The following ADAMTS20 variants were observed in gnomAD, a reference collection of about 807,000 sequenced individuals.
ADAMTS20 encodes ADAM metallopeptidase with thrombospondin type 1 motif 20.
A neutral mutation model predicts 260.1 loss-of-function variants in ADAMTS20; 225 were observed. The observed-to-expected ratio is 0.87, with a 90% CI of 0.78 to 0.97. The LOEUF (loss-of-function observed/expected upper bound fraction) is 0.97. Ranked by LOEUF, ADAMTS20 falls within the 50% of genes least tolerant of loss-of-function variation. The pLI is 0.00. For synonymous variants in ADAMTS20, 802 were observed against 769.5 expected, an observed-to-expected ratio of 1.04 and a Z score of -0.70; for missense variants, 2,400 against 2,337.7, an observed-to-expected ratio of 1.03 and a Z score of -0.55.
intron 3 of ADAMTS20, among the ~76,000 whole-genome samples, chr12:43,504,696 G>A (rs938292202): frequency 2.6e-5 from 4 of 152,108 alleles, no homozygotes; most frequent in African/African-American, 9.7e-5. Context: ...TTTAGGTATT[G>A]AGGAGCAAAT....
chr12:43,372,824 G>A (rs1940135593), intron 36 of ADAMTS20, among the ~76,000 whole-genome samples: 1 of 152,164 alleles, frequency 6.6e-6, no homozygotes, highest in Non-Finnish European at 1.5e-5. Context: ...CAGGTAGGCT[G>A]GTAGATGTGG....
At chr12:43,440,182 C>G in intron 16 of ADAMTS20, 113 bp from the exon 17 acceptor site, 1 of 763,084 alleles carries the variant, frequency 1.3e-6, no homozygotes, top group South Asian at 1.9e-5. Flanking sequence ...CTTGCTGTAT[C>G]TCCCAGGCTG....
chr12:43,482,675 T>C (rs1265787805), intron 7 of ADAMTS20, among the ~76,000 whole-genome samples: 1 of 152,126 alleles, frequency 6.6e-6, no homozygotes, highest in East Asian at 1.9e-4. Flanking sequence ...CCAACCTAGC[T>C]TTACCCCTCC....
chr12:43,455,298 G>A (rs996841904), intron 11 of ADAMTS20, among the ~76,000 whole-genome samples: 1 of 152,168 alleles, frequency 6.6e-6, no homozygotes. Flanking sequence ...ACCCAAGATT[G>A]GATAATTTAT....
At chr12:43,499,947 G>A (rs1271200199) in intron 4 of ADAMTS20, among the ~76,000 whole-genome samples, 2 of 151,818 alleles carry the variant, frequency 1.3e-5, no homozygotes, top group Non-Finnish European at 2.9e-5. Flanking sequence ...ACTGACAATA[G>A]TTATCTGTCA....
At chr12:43,535,242 A>G (rs1034185733) in intron 2 of ADAMTS20, among the ~76,000 whole-genome samples, 3 of 152,326 alleles carry the variant, frequency 2.0e-5, no homozygotes, top group Non-Finnish European at 2.9e-5. Context: ...TGAAGAGACT[A>G]TCTGAGATCT....
intron 28 of ADAMTS20, 39 bp from the exon 29 acceptor site, chr12:43,399,272 C>G: frequency 7.2e-7 from 1 of 1,392,298 alleles, no homozygotes; most frequent in Non-Finnish European, 9.4e-7. Flanking sequence ...TCATTTTCTT[C>G]TTGATTAATT....
chr12:43,386,206 T>G (rs1291422266), intron 29 of ADAMTS20, among the ~76,000 whole-genome samples: 1 of 152,214 alleles, frequency 6.6e-6, no homozygotes, highest in South Asian at 2.1e-4. Context: ...CTTTTGTATT[T>G]GTTTGCTCTT....
chr12:43,546,004 G>A (rs539883284), intron 2 of ADAMTS20, among the ~76,000 whole-genome samples: 39 of 152,270 alleles, frequency 2.6e-4, no homozygotes, highest in African/African-American at 8.2e-4. Context: ...ATAGCCAAAA[G>A]AGGTTCTTAT....
rs373734324 is a variant in ADAMTS20, at chr12:43,434,354, T to C, written c.2611A>G (p.Ile871Val). ...TGATCACTCTTATGTATGCAAGTTA[T>C]GTTTCTTCGCTGAAGACCTTGGCCA... ...KMCQGLQRRN[I>V]TCIHKSDHSV... Residue 871 changes from isoleucine (I) to valine (V), a missense_variant, in exon 19 of 39, where the codon ATA becomes GTA. Ile to Val is a conservative substitution (Grantham distance 29). Coordinates refer to ENST00000389420, the MANE Select transcript of ADAMTS20 (RefSeq NM_025003.5). 5.0e-6 allele frequency: 8 copies of C among 1,586,052 alleles called. No homozygotes were observed. The African/African-American group carries it at 1.1e-4, about 21-fold the overall frequency.
In ADAMTS20 at chr12:43,432,681, C is replaced by T. The variant is rs1162694404; in HGVS notation, c.2851G>A (p.Asp951Asn). 1 of 1,613,854 alleles carries T rather than the reference C, an allele frequency of 6.2e-7. No individual in the cohort carries two copies. The change falls in exon 20 of 39, where the codon GAC (aspartate) becomes AAC (asparagine). Residue 951 changes from aspartate to asparagine, a missense_variant. By Grantham distance (23) the Asp-to-Asn change is conservative (BLOSUM62 1). Coordinates refer to ENST00000389420, the MANE Select transcript of ADAMTS20 (RefSeq NM_025003.5). Reference sequence around the variant, plus strand: ...TCTTGGGTAGGAGGTTTAAGCTGGTCACCACAGTAGTGGTCATCAACTTGA... The same window carrying T: ...TCTTGGGTAGGAGGTTTAAGCTGGTTACCACAGTAGTGGTCATCAACTTGA... ...TVQVDDHYCGDQLKPPTQELC... is the reference protein window; with the variant it reads ...TVQVDDHYCGNQLKPPTQELC...
intron 7 of ADAMTS20, among the ~76,000 whole-genome samples, chr12:43,481,449 A>C (rs1414724404): frequency 6.6e-6 from 1 of 152,222 alleles, no homozygotes; most frequent in Admixed American, 6.5e-5. Flanking sequence ...AAATCCAGAA[A>C]CGTCTCTTCA....
At chr12:43,516,225 A>C (rs1446048393) in intron 3 of ADAMTS20, among the ~76,000 whole-genome samples, 1 of 146,490 alleles carries the variant, frequency 6.8e-6, no homozygotes, top group African/African-American at 2.4e-5. Context: ...GGCCAGCCAA[A>C]ACCATGAACC....
chr12:43,543,171 G>C (rs959835218), intron 2 of ADAMTS20, among the ~76,000 whole-genome samples: 2 of 152,126 alleles, frequency 1.3e-5, no homozygotes, highest in Non-Finnish European at 2.9e-5. Flanking sequence ...AACTGGTCAG[G>C]TGTGGGGGGG....
chr12:43,550,074 T>C (rs1486143156), intron 2 of ADAMTS20, among the ~76,000 whole-genome samples: 1 of 152,224 alleles, frequency 6.6e-6, no homozygotes, highest in Admixed American at 6.5e-5. Flanking sequence ...GAGGAGTTAC[T>C]GATGGAGTGA....
At chr12:43,539,468 G>T (rs10880521) in intron 2 of ADAMTS20, among the ~76,000 whole-genome samples, 10,795 of 152,026 alleles carry the variant, frequency 0.071, 537 homozygotes, top group Non-Finnish European at 0.11. Context: ...AAAATAAAAG[G>T]CAAAGCTATA....
chr12:43,513,966 C>T (rs541176817), intron 3 of ADAMTS20, among the ~76,000 whole-genome samples: 1 of 150,194 alleles, frequency 6.7e-6, no homozygotes, highest in East Asian at 2.0e-4. Flanking sequence ...TGTTAAATGA[C>T]GAGTTAATGG....
At chr12:43,543,918 T>C (rs1943409687) in intron 2 of ADAMTS20, among the ~76,000 whole-genome samples, 1 of 152,186 alleles carries the variant, frequency 6.6e-6, no homozygotes, top group Admixed American at 6.5e-5. Context: ...AGTTATAAAT[T>C]ATATAGCTCA....
chr12:43,509,550 T>C (rs140930546), intron 3 of ADAMTS20, among the ~76,000 whole-genome samples: 10 of 152,242 alleles, frequency 6.6e-5, no homozygotes, highest in African/African-American at 2.4e-4. Flanking sequence ...AAATCCAACA[T>C]AGTTTTTAAA....
Sources: allele counts gnomAD v4.1 joint callset (sites outside exome capture counted in the v4.1 genomes callset), GRCh38; gene constraint gnomAD v4.1.1; transcripts MANE v1.5; gene names NCBI Gene and HGNC (gene_info 2026-07-23, HGNC 2026-07-21).